GFRAL: variants seen among roughly 807,000 people sequenced by gnomAD.
GFRAL encodes GDNF family receptor alpha-like.
GFRAL carries 36 observed loss-of-function variants against 45.4 expected under a neutral mutation model. The ratio of observed to expected loss-of-function variants is 0.79; its 90% CI spans 0.61 to 1.05. The LOEUF (loss-of-function observed/expected upper bound fraction) is 1.05. Among genes scored for constraint, GFRAL ranks in the 50% least tolerant of loss-of-function variants. GFRAL has a pLI of 0.00. For missense variants in GFRAL, 507 were observed against 467.5 expected, an observed-to-expected ratio of 1.08 and a Z score of -0.78; for synonymous variants, 166 against 154.1, an observed-to-expected ratio of 1.08 and a Z score of -0.57.
intron 6 of GFRAL, among the ~76,000 whole-genome samples, chr6:55,371,268 T>A (rs1768446683): frequency 6.6e-6 from 1 of 152,200 alleles, no homozygotes; most frequent in Non-Finnish European, 1.5e-5. Flanking sequence ...ATGGTTGAAC[T>A]ATAGAAATTC....
In GFRAL at chr6:55,353,821, A is replaced by G. The variant is rs373299512; in HGVS notation, c.701+2238A>G. On this transcript the variant is annotated intron_variant, in intron 5 of 8. Transcript: ENST00000340465. ...TTGTTGTTGTACATAAAATAATGGT[A>G]TCTTCTGAAATCAATGAAATATGAA... 3.4e-4 allele frequency among the ~76,000 whole-genome samples: 52 copies of G among 152,200 alleles called. No homozygotes were observed. In the South Asian group the frequency reaches 3.9e-3, roughly 12 times the overall value.
In GFRAL at chr6:55,351,555, C is replaced by A; in HGVS notation, c.673C>A (p.Arg225Ser). The change falls in exon 5 of 9, where the codon CGC (arginine) becomes AGC (serine). Residue 225 changes from arginine (R) to serine (S), a missense_variant. Coordinates refer to ENST00000340465, the MANE Select transcript of GFRAL (RefSeq NM_207410.2). Reference sequence around the variant, plus strand: ...ACCCCCTACTTGCCTCAGTGTAATTCGCAGCTGCCAAAATGATGAATTATG... The same window carrying A: ...ACCCCCTACTTGCCTCAGTGTAATTAGCAGCTGCCAAAATGATGAATTATG... ...VPPPTCLSVI[R>S]SCQNDELCRR... 6.2e-7 allele frequency: 1 copy of A among 1,600,548 alleles called. No individual in the cohort carries two copies.
At chr6:55,362,533 G>C (rs115140661) in intron 6 of GFRAL, among the ~76,000 whole-genome samples, 2,083 of 152,048 alleles carry the variant, frequency 0.014, 27 homozygotes, top group Non-Finnish European at 0.023. Context: ...TTACTTGTCT[G>C]TGATAATCTG....
At chr6:55,397,901 C>A (rs890548566) in intron 6 of GFRAL, among the ~76,000 whole-genome samples, 1 of 152,152 alleles carries the variant, frequency 6.6e-6, no homozygotes, top group East Asian at 1.9e-4. Flanking sequence ...TTTATAGTAT[C>A]TTTTCTATGT....
intron 8 of GFRAL, among the ~76,000 whole-genome samples, chr6:55,400,174 C>T (rs915899606): frequency 6.6e-6 from 1 of 151,992 alleles, no homozygotes; most frequent in Non-Finnish European, 1.5e-5. Context: ...CACATTTAAA[C>T]ATCAATCATG....
intron 6 of GFRAL, among the ~76,000 whole-genome samples, chr6:55,395,175 A>AAAAATATATATATATATAT: frequency 3.2e-5 from 4 of 123,510 alleles, no homozygotes; most frequent in African/African-American, 6.9e-5. Context: ...AAAAAAAAAA[A>AAAAATATATATATATATAT]ATATATATAT....
At chr6:55,383,016 A>G (rs1388175487) in intron 6 of GFRAL, among the ~76,000 whole-genome samples, 1 of 151,906 alleles carries the variant, frequency 6.6e-6, no homozygotes, top group Non-Finnish European at 1.5e-5. Context: ...TCTAAGGCAT[A>G]TTTTCTTAGA....
intron 3 of GFRAL, among the ~76,000 whole-genome samples, chr6:55,338,565 A>T (rs1767920505): frequency 1.3e-5 from 2 of 152,192 alleles, no homozygotes; most frequent in African/African-American, 4.8e-5. Context: ...CTACACACAT[A>T]ATAAGGACAC....
intron 5 of GFRAL, among the ~76,000 whole-genome samples, chr6:55,358,573 A>C (rs532580924): frequency 6.6e-6 from 1 of 152,154 alleles, no homozygotes; most frequent in Non-Finnish European, 1.5e-5. Context: ...ATTGCCAATA[A>C]ATCTCTGAAG....
intron 6 of GFRAL, among the ~76,000 whole-genome samples, chr6:55,391,121 G>A (rs1768748280): frequency 1.3e-5 from 2 of 151,286 alleles, no homozygotes; most frequent in African/African-American, 4.9e-5. Context: ...ATTTAAGATT[G>A]TAGTCAAGTT....
chr6:55,337,929 A>C (rs1441966109), intron 3 of GFRAL, among the ~76,000 whole-genome samples: 1 of 152,062 alleles, frequency 6.6e-6, no homozygotes, highest in African/African-American at 2.4e-5. Context: ...CACTGATTTG[A>C]GATTTTATTC....
intron 3 of GFRAL, among the ~76,000 whole-genome samples, chr6:55,343,007 G>A (rs976471977): frequency 2.0e-5 from 3 of 152,080 alleles, no homozygotes; most frequent in African/African-American, 7.2e-5. Flanking sequence ...CCCAATACAG[G>A]AGCACCCAGA....
Position 55,358,970 on chromosome 6 carries a change from T to A in GFRAL, c.784T>A (p.Leu262Ile). 1 of 1,613,136 alleles carries A rather than the reference T, an allele frequency of 6.2e-7. No individual in the cohort carries two copies. Among genetic ancestry groups the A allele is most frequent in the Non-Finnish European group, 8.5e-7 (1 of 1,179,392 alleles). The change falls in exon 6 of 9, where the codon TTA (leucine) becomes ATA (isoleucine). Residue 262 changes from leucine (L) to isoleucine (I), a missense_variant. Transcript: ENST00000340465. ...CHEDENCIST[L>I]SKQDLTCSGS... ...TGAAGATGAGAATTGCATTAGCACC[T>A]TAAGCAAACAGGACCTCACTTGTTC...
At chr6:55,380,525 AGGT>A (rs1382144633) in intron 6 of GFRAL, among the ~76,000 whole-genome samples, 1 of 151,942 alleles carries the variant, frequency 6.6e-6, no homozygotes, top group Admixed American at 6.6e-5. Flanking sequence ...AAAGTTATCC[AGGT>A]GGTTTTGATT....
chr6:55,396,248 T>A (rs1768823138), intron 6 of GFRAL, among the ~76,000 whole-genome samples: 1 of 152,212 alleles, frequency 6.6e-6, no homozygotes, highest in Non-Finnish European at 1.5e-5. Flanking sequence ...TAGCTAACAT[T>A]TCTGTCACTG....
At chr6:55,347,876 C>G (rs1280783907) in intron 3 of GFRAL, among the ~76,000 whole-genome samples, 2 of 152,098 alleles carry the variant, frequency 1.3e-5, no homozygotes, top group East Asian at 3.9e-4. Flanking sequence ...AAAAAGAAAT[C>G]TCTGTTGCAT....
Position 55,401,972 on chromosome 6 carries a change from T to G in GFRAL, c.*119T>G, listed in dbSNP as rs1265463072. The G allele has an allele frequency of 3.0e-5, 18 of 605,226 alleles. No homozygotes were observed. The highest frequency in any genetic ancestry group is 4.0e-5 in the Non-Finnish European group (14 of 352,258). The allele number at this position is 605,226 out of a possible 1,614,324, so 37.5% of individuals were successfully genotyped here. A position where few individuals can be genotyped will look rare whatever the true frequency, so the allele number is the denominator to read the frequency against. ...CTCCTCCCCTCCCCTCTCTGTTTCT[T>G]TTTCTTTTTCTTTTCTTTTTTGTGG... is the stretch of plus-strand genomic sequence containing the variant. On this transcript the variant is annotated 3_prime_UTR_variant, in exon 9 of 9. Coordinates refer to ENST00000340465, the MANE Select transcript of GFRAL (RefSeq NM_207410.2).
intron 5 of GFRAL, 28 bp downstream of exon 5, chr6:55,351,611 T>G (rs1159807930): frequency 6.5e-7 from 1 of 1,533,200 alleles, no homozygotes; most frequent in Non-Finnish European, 8.9e-7. Flanking sequence ...TACCTTACTT[T>G]CTTATTTCGG....
In GFRAL at chr6:55,331,855, C is replaced by A; in HGVS notation, c.157+6C>A. 2 of 1,604,608 alleles carry A rather than the reference C, an allele frequency of 1.2e-6. No homozygotes were observed. The highest frequency in any genetic ancestry group is 1.7e-6 in the Non-Finnish European group (2 of 1,176,368). ...AGATGCCTGCAATGATTCAGGTAAA[C>A]AAGTTGCTAAAAATACACTCAAATG... is the stretch of plus-strand genomic sequence containing the variant. On this transcript the variant is annotated splice_donor_region_variant and intron_variant, in intron 2 of 8. Coordinates refer to ENST00000340465, the MANE Select transcript of GFRAL (RefSeq NM_207410.2).
Sources: gnomAD v4.1 joint callset for allele counts (sites outside exome capture counted in the v4.1 genomes callset) on GRCh38, gnomAD v4.1.1 for gene constraint, MANE v1.5 for transcripts, NCBI Gene and HGNC (gene_info 2026-07-23, HGNC 2026-07-21) for gene names.